NAA11: variants seen among roughly 807,000 people sequenced by gnomAD.
NAA11 encodes the protein N-alpha-acetyltransferase 11.
In NAA11, 15 loss-of-function variants were observed where a neutral mutation model predicts 16.1. The observed-to-expected ratio is 0.93, with a 90% CI of 0.62 to 1.44. The LOEUF (loss-of-function observed/expected upper bound fraction) is 1.44, where lower values mean the gene tolerates loss of function less well. Ranked by LOEUF, NAA11 falls within the 40% of genes most tolerant of loss-of-function variation. NAA11 has a pLI of 0.00. For missense variants in NAA11, 298 were observed against 291.3 expected (o/e 1.02, Z -0.17); for synonymous variants, 122 against 112.4 (o/e 1.09, Z -0.54).
intron 2 of NAA11, among the ~76,000 whole-genome samples, chr4:79,255,286 G>T (rs909306412): frequency 5.3e-5 from 8 of 151,908 alleles, no homozygotes; most frequent in African/African-American, 1.9e-4. Flanking sequence ...AAATATTTTT[G>T]TACATGTCTT....
chr4:79,185,292 A>G, the NAA11 span, among the ~76,000 whole-genome samples: 1 of 152,230 alleles, frequency 6.6e-6, no homozygotes, highest in African/African-American at 2.4e-5. Flanking sequence ...TTCACAGAAC[A>G]CACAATGCCA....
the NAA11 span, among the ~76,000 whole-genome samples, chr4:79,175,535 T>C: frequency 6.6e-6 from 1 of 152,096 alleles, no homozygotes; most frequent in Non-Finnish European, 1.5e-5. Flanking sequence ...ATTTGCGCTG[T>C]ATAACAATGA....
chr4:79,170,468 A>T, the NAA11 span, among the ~76,000 whole-genome samples: 1 of 152,112 alleles, frequency 6.6e-6, no homozygotes, highest in Admixed American at 6.6e-5. Flanking sequence ...TTTTGCTAAG[A>T]CTTGAAGTCT....
intron 1 of NAA11, chr4:79,299,132 G>C (rs1723313403): frequency 6.6e-6 from 1 of 152,170 alleles, no homozygotes; most frequent in Non-Finnish European, 1.5e-5. Flanking sequence ...TTTCTTACTT[G>C]TGAGACTGAT....
the NAA11 span, among the ~76,000 whole-genome samples, chr4:79,220,251 C>T: frequency 6.6e-6 from 1 of 152,144 alleles, no homozygotes; most frequent in African/African-American, 2.4e-5. Flanking sequence ...CGCCACTACG[C>T]CCGGCTAATT....
At chr4:79,219,531 A>G in the NAA11 span, among the ~76,000 whole-genome samples, 1 of 152,190 alleles carries the variant, frequency 6.6e-6, no homozygotes, top group African/African-American at 2.4e-5. Context: ...AAGGACTAAA[A>G]TGGACCTTAG....
chr4:79,236,860 A>G (rs1721582155), intron 2 of NAA11, among the ~76,000 whole-genome samples: 1 of 152,164 alleles, frequency 6.6e-6, no homozygotes, highest in Admixed American at 6.5e-5. Flanking sequence ...ATTGGTCATA[A>G]TGGTGCATAG....
chr4:79,206,559 C>T, the NAA11 span, among the ~76,000 whole-genome samples: 2 of 152,106 alleles, frequency 1.3e-5, no homozygotes, highest in Non-Finnish European at 2.9e-5. Flanking sequence ...TCCAAATAAG[C>T]ATTAGGTCAT....
chr4:79,325,444 T>A lies in NAA11; in HGVS notation c.434A>T (p.Tyr145Phe). Residue 145 changes from tyrosine (Y) to phenylalanine (F), a missense_variant, in exon 1 of 2, where the codon TAT (tyrosine) becomes TTT (phenylalanine). Physicochemically the swap from Tyr to Phe is conservative, Grantham distance 22 (BLOSUM62 3). Transcript: ENST00000286794. ...PKYYADGEDA[Y>F]AMKRDLSQMA... is the part of the protein sequence containing the mutation. ...CTGCGAGAGATCCCGCTTCATAGCA[T>A]AAGCATCTTCCCCATCTGCATAGTA... 1 of 1,614,222 alleles carries A rather than the reference T, an allele frequency of 6.2e-7. No homozygotes were observed.
chr4:79,156,765 A>G, the NAA11 span, among the ~76,000 whole-genome samples: 2 of 152,226 alleles, frequency 1.3e-5, no homozygotes, highest in Non-Finnish European at 2.9e-5. Flanking sequence ...AAGCCCAAGA[A>G]AGTTAAATAA....
At chr4:79,192,708 A>G in the NAA11 span, among the ~76,000 whole-genome samples, 1 of 151,896 alleles carries the variant, frequency 6.6e-6, no homozygotes, top group Admixed American at 6.6e-5. Context: ...GTGTCTTTAT[A>G]GCAGCATGAT....
chr4:79,220,036 C>T, the NAA11 span, among the ~76,000 whole-genome samples: 1 of 152,188 alleles, frequency 6.6e-6, no homozygotes, highest in Non-Finnish European at 1.5e-5. Context: ...GCCATTGTCC[C>T]AAGAAGCCTA....
chr4:79,290,189 G>C (rs1393488948), intron 2 of NAA11, among the ~76,000 whole-genome samples: 1 of 152,164 alleles, frequency 6.6e-6, no homozygotes, highest in East Asian at 1.9e-4. Context: ...AATTGAACCA[G>C]GAGCCTCTCT....
At chr4:79,297,352 A>G (rs1383342584) in intron 1 of NAA11, among the ~76,000 whole-genome samples, 1 of 152,180 alleles carries the variant, frequency 6.6e-6, no homozygotes, top group Non-Finnish European at 1.5e-5. Flanking sequence ...AGAGGGCCTC[A>G]GCGAGGACCT....
intron 2 of NAA11, chr4:79,245,503 T>C (rs1325511531): frequency 6.6e-6 from 1 of 151,144 alleles, no homozygotes; most frequent in Admixed American, 6.8e-5. Context: ...GGAGCGTCTC[T>C]ACCTGGCCGC....
At position 79,317,010 on chromosome 4, in the gene NAA11, G is replaced by A. The variant is rs995638895; in HGVS notation, c.*794C>T. ...TACCTACTTTACAGGGTTGCTGAGA[G>A]GGTTAAATATGTAACTAATGAAGGC... On this transcript the variant is annotated 3_prime_UTR_variant, in exon 2 of 2. Coordinates refer to ENST00000286794, the MANE Select transcript of NAA11 (RefSeq NM_032693.3). The A allele has an allele frequency of 6.6e-6, 1 of 152,130 alleles. No homozygotes were observed. The highest frequency in any genetic ancestry group is 1.5e-5 in the Non-Finnish European group (1 of 68,022). The allele number at this position is 152,130 out of a possible 1,614,324, so 9.4% of individuals were successfully genotyped here.
chr4:79,223,646 TAA>T (rs11348185), downstream of NAA11, among the ~76,000 whole-genome samples: 732 of 145,518 alleles, frequency 5.0e-3, no homozygotes, highest in Middle Eastern at 0.017. Context: ...AAAGTATAAT[TAA>T]AAAAAAAAAA....
At chr4:79,169,674 A>G in the NAA11 span, among the ~76,000 whole-genome samples, 1 of 152,234 alleles carries the variant, frequency 6.6e-6, no homozygotes, top group African/African-American at 2.4e-5. Flanking sequence ...AATACCATTC[A>G]GGACATAGGC....
At chr4:79,288,984 C>T (rs1723015249) in intron 2 of NAA11, among the ~76,000 whole-genome samples, 2 of 152,178 alleles carry the variant, frequency 1.3e-5, no homozygotes, top group South Asian at 2.1e-4. Context: ...TTGATGGCTA[C>T]ATAACATTCC....
Sources: allele counts gnomAD v4.1 joint callset (sites outside exome capture counted in the v4.1 genomes callset), GRCh38; gene constraint gnomAD v4.1.1; transcripts MANE v1.5; gene names NCBI Gene and HGNC (gene_info 2026-07-23, HGNC 2026-07-21).